BCL11A: variants seen among roughly 807,000 people sequenced by gnomAD.
BCL11A encodes the protein BCL11 transcription factor A, also known as B cell CLL/lymphoma 11A.
Under a neutral mutation model 55.9 loss-of-function variants are expected in BCL11A, and 2 were observed. That is an observed-to-expected ratio of 0.04 (90% CI 0.01 to 0.11). BCL11A has a LOEUF of 0.11. Ranked by LOEUF, BCL11A falls within the 10% of genes least tolerant of loss-of-function variation. The pLI is 1.00. For synonymous variants in BCL11A, 465 were observed against 473.4 expected (o/e 0.98, Z 0.23); for missense variants, 817 against 1,137.1 (o/e 0.72, Z 4.05).
chr2:60,549,621 G>A (rs1369514698), intron 1 of BCL11A, among the ~76,000 whole-genome samples: 1 of 152,182 alleles, frequency 6.6e-6, no homozygotes, highest in Non-Finnish European at 1.5e-5. Flanking sequence ...CGGGGCCTTG[G>A]GGCCCGGGGG....
rs747406096 is a variant in BCL11A at position 60,460,322 on chromosome 2, G to C, written c.*82C>G. On this transcript the variant is annotated 3_prime_UTR_variant, in exon 4 of 4. Transcript: ENST00000642384. Reference sequence around the variant, plus strand: ...GGACTAGAAAAAAATCCTACAGGGAGTGGGGCTGGAGGGCGATGGGGAAGG... The same window carrying C: ...GGACTAGAAAAAAATCCTACAGGGACTGGGGCTGGAGGGCGATGGGGAAGG... 6.6e-7 allele frequency: 1 copy of C among 1,514,372 alleles called. No homozygotes were observed. The highest frequency in any genetic ancestry group is 1.9e-4 in the Middle Eastern group (1 of 5,284). 93.8% of individuals were successfully genotyped at this position (1,514,372 alleles called of 1,614,324 possible). A position where few individuals can be genotyped will look rare whatever the true frequency, so the allele number is the denominator to read the frequency against.
At position 60,480,027 on chromosome 2, in the gene BCL11A, G is replaced by A. The variant is rs199639227; in HGVS notation, c.386-11194C>T. ...ATCATACTTTGCATTTATGGCCTGCGGCTCTTGGCTGACTTTGGCGGCTCC... is the reference window on the plus strand; with the variant it reads ...ATCATACTTTGCATTTATGGCCTGCAGCTCTTGGCTGACTTTGGCGGCTCC... On this transcript the variant is annotated intron_variant, in intron 2 of 3. Coordinates refer to ENST00000642384, the MANE Select transcript of BCL11A (RefSeq NM_022893.4). Among the ~76,000 whole-genome samples the A allele has an allele frequency of 2.2e-4, 34 of 152,278 alleles. No homozygotes were observed. In the East Asian group the frequency reaches 6.2e-3, roughly 28 times the overall value.
chr2:60,480,377 T>G (rs1468826998), intron 2 of BCL11A, among the ~76,000 whole-genome samples: 1 of 152,216 alleles, frequency 6.6e-6, no homozygotes, highest in East Asian at 1.9e-4. Context: ...TCCAGCACCA[T>G]GCTGGGCAAA....
chr2:60,485,623 T>A (rs1338914311), intron 2 of BCL11A, among the ~76,000 whole-genome samples: 1 of 152,210 alleles, frequency 6.6e-6, no homozygotes, highest in Non-Finnish European at 1.5e-5. Context: ...ACGAAGCTGC[T>A]GAATATTAGG....
intron 2 of BCL11A, among the ~76,000 whole-genome samples, chr2:60,539,162 T>A (rs1205245300): frequency 6.6e-6 from 1 of 152,266 alleles, no homozygotes; most frequent in African/African-American, 2.4e-5. Flanking sequence ...TAGCTGCATA[T>A]TAAGCTTGCT....
intron 2 of BCL11A, chr2:60,526,863 C>T (rs1179596938): frequency 6.6e-6 from 1 of 152,238 alleles, no homozygotes; most frequent in African/African-American, 2.4e-5. Context: ...GCCCAGCCAA[C>T]GCATTCTTAA....
intron 2 of BCL11A, chr2:60,533,678 G>A (rs1301466817): frequency 6.6e-6 from 1 of 152,156 alleles, no homozygotes; most frequent in East Asian, 1.9e-4. Flanking sequence ...CAGTTGGCCG[G>A]AGACCAAAGG....
At chr2:60,495,554 C>A (rs1031951420) in intron 2 of BCL11A, 1 of 152,228 alleles carries the variant, frequency 6.6e-6, no homozygotes, top group African/African-American at 2.4e-5. Context: ...GAGTAGAACC[C>A]CCTATAAACT....
chr2:60,552,754 T>G (rs1229844461), intron 1 of BCL11A, among the ~76,000 whole-genome samples: 4 of 152,108 alleles, frequency 2.6e-5, no homozygotes, highest in Non-Finnish European at 5.9e-5. Flanking sequence ...AGACTTGTAC[T>G]CACTCCCTCC....
intron 2 of BCL11A, among the ~76,000 whole-genome samples, chr2:60,489,331 A>G (rs1234041324): frequency 6.6e-6 from 1 of 152,206 alleles, no homozygotes. Context: ...AAATTCATAC[A>G]ATAGAGGCAT....
At chr2:60,550,450 G>C (rs918285299) in intron 1 of BCL11A, among the ~76,000 whole-genome samples, 1 of 152,052 alleles carries the variant, frequency 6.6e-6, no homozygotes, top group African/African-American at 2.4e-5. Flanking sequence ...GAGAATCGCC[G>C]GGCAGGAGGT....
At chr2:60,472,763 T>C (rs1264183607) in intron 2 of BCL11A, among the ~76,000 whole-genome samples, 1 of 152,250 alleles carries the variant, frequency 6.6e-6, no homozygotes, top group East Asian at 1.9e-4. Flanking sequence ...TAACATGCTA[T>C]TTGTTTCTGA....
chr2:60,546,742 C>T lies in BCL11A; in HGVS notation c.56-442G>A, dbSNP rs1441225789. ...AAATTTGTTTCTTTTTTCCTATACA[C>T]CAAGTTGTCCATTGTGCCAAAGAAT... is the stretch of plus-strand genomic sequence containing the variant. On this transcript the variant is annotated intron_variant, in intron 1 of 3. Transcript: ENST00000642384. The surrounding 1 kb of genome is among the most constrained non-coding windows in gnomAD (Gnocchi z 4.1). Among the ~76,000 whole-genome samples the T allele has an allele frequency of 1.3e-5, 2 of 151,884 alleles. No individual in the cohort carries two copies. The highest frequency in any genetic ancestry group is 2.4e-5 in the African/African-American group (1 of 41,354).
chr2:60,524,727 A>G (rs1261830886), intron 2 of BCL11A: 1 of 152,188 alleles, frequency 6.6e-6, no homozygotes, highest in Non-Finnish European at 1.5e-5. Context: ...CTCTGAGCAC[A>G]TGGGATAATA....
At chr2:60,476,247 GAC>G (rs1558627943) in intron 2 of BCL11A, among the ~76,000 whole-genome samples, 1 of 152,184 alleles carries the variant, frequency 6.6e-6, no homozygotes, top group Non-Finnish European at 1.5e-5. Flanking sequence ...AACCTCCTGG[GAC>G]ACAGTCTTGC....
At chr2:60,538,116 G>T (rs549562660) in intron 2 of BCL11A, 1 of 152,208 alleles carries the variant, frequency 6.6e-6, no homozygotes, top group African/African-American at 2.4e-5. Flanking sequence ...GCCCTATCTG[G>T]AAAAGGGTGT....
At chr2:60,488,219 C>T (rs1001709767) in intron 2 of BCL11A, among the ~76,000 whole-genome samples, 1 of 152,220 alleles carries the variant, frequency 6.6e-6, no homozygotes, top group Non-Finnish European at 1.5e-5. Flanking sequence ...TCATCAAAGC[C>T]TGTAAAAGAT....
intron 2 of BCL11A, among the ~76,000 whole-genome samples, chr2:60,539,073 T>C (rs561560605): frequency 2.8e-4 from 43 of 152,310 alleles, no homozygotes; most frequent in African/African-American, 1.0e-3. Flanking sequence ...AGAACAAGAA[T>C]GGAAACTGTG....
rs566459629 is a variant in BCL11A, at chr2:60,512,065, A to G, written c.385+33906T>C. On this transcript the variant is annotated intron_variant, in intron 2 of 3. Coordinates refer to ENST00000642384, the MANE Select transcript of BCL11A (RefSeq NM_022893.4). ...AAGTGTCACAGTCACTCCAAAATGA[A>G]TATGTGTGCAGCCACCTGGGCTTGC... Among the ~76,000 whole-genome samples, 12 of 152,336 alleles carry G rather than the reference A, an allele frequency of 7.9e-5. No individual in the cohort carries two copies. The East Asian group carries it at 2.3e-3, about 29-fold the overall frequency.
Sources: allele counts gnomAD v4.1 joint callset (sites outside exome capture counted in the v4.1 genomes callset), GRCh38; gene constraint gnomAD v4.1.1; non-coding constraint Gnocchi (gnomAD v3.1); transcripts MANE v1.5; gene names NCBI Gene and HGNC (gene_info 2026-07-23, HGNC 2026-07-21).